HSD17B12: variants seen among roughly 807,000 people sequenced by gnomAD.
HSD17B12 encodes the protein very-long-chain 3-oxoacyl-CoA reductase.
A neutral mutation model predicts 39.3 loss-of-function variants in HSD17B12; 32 were observed. That is an observed-to-expected ratio of 0.81 (90% CI 0.61 to 1.09). The LOEUF (loss-of-function observed/expected upper bound fraction) is 1.09. Among genes scored for constraint, HSD17B12 ranks in the 50% least tolerant of loss-of-function variants. HSD17B12 has a pLI of 0.00. For synonymous variants in HSD17B12, 150 were observed against 146.7 expected, an observed-to-expected ratio of 1.02 and a Z score of -0.16; for missense variants, 342 against 382.9, an observed-to-expected ratio of 0.89 and a Z score of 0.89.
chr11:43,574,513 A>C, the HSD17B12 span, among the ~76,000 whole-genome samples: 1 of 152,066 alleles, frequency 6.6e-6, no homozygotes, highest in African/African-American at 2.4e-5. Context: ...TTTTGTTCAG[A>C]TCTTCCAATC....
At chr11:43,791,389 G>T (rs1303749891) in intron 3 of HSD17B12, among the ~76,000 whole-genome samples, 1 of 152,056 alleles carries the variant, frequency 6.6e-6, no homozygotes, top group Non-Finnish European at 1.5e-5. Context: ...AAACTTAGCT[G>T]GGTGTGGTGG....
Position 43,734,299 on chromosome 11 carries a change from G to A in HSD17B12, c.161-16612G>A, listed in dbSNP as rs1184731534. ...TCAGGAAGGAGTTCACAGAAGCCGTGGAAGCCAAAAAGGTGGCTCAGCAGG... is the reference window on the plus strand; with the variant it reads ...TCAGGAAGGAGTTCACAGAAGCCGTAGAAGCCAAAAAGGTGGCTCAGCAGG... On this transcript the variant is annotated intron_variant, in intron 1 of 10. Coordinates refer to ENST00000278353, the MANE Select transcript of HSD17B12 (RefSeq NM_016142.3). 4.2e-6 allele frequency: 5 copies of A among 1,181,686 alleles called. No homozygotes were observed. The Admixed American group carries it at 8.5e-5, about 20-fold the overall frequency. 73.2% of individuals were successfully genotyped at this position (1,181,686 alleles called of 1,614,324 possible).
At chr11:43,643,718 T>C in the HSD17B12 span, among the ~76,000 whole-genome samples, 3 of 152,366 alleles carry the variant, frequency 2.0e-5, no homozygotes, top group East Asian at 5.8e-4. Context: ...GAAATTTGTC[T>C]TATAAAATGG....
intron 3 of HSD17B12, among the ~76,000 whole-genome samples, chr11:43,788,293 A>G (rs764654897): frequency 4.6e-5 from 7 of 152,218 alleles, no homozygotes; most frequent in Non-Finnish European, 8.8e-5. Context: ...CTAAAAAATA[A>G]CAGAGAGACA....
the HSD17B12 span, among the ~76,000 whole-genome samples, chr11:43,580,332 C>T: frequency 1.5e-5 from 2 of 137,468 alleles, no homozygotes; most frequent in African/African-American, 5.5e-5. Context: ...ACGGGTTCGC[C>T]CCTTGTTGTT....
intron 9 of HSD17B12, chr11:43,852,404 C>T (rs1426067114): frequency 2.0e-5 from 3 of 151,450 alleles, no homozygotes; most frequent in Non-Finnish European, 2.9e-5. Flanking sequence ...CCATCTCTAC[C>T]TCTAGAAGCT....
chr11:43,636,366 A>G, the HSD17B12 span, among the ~76,000 whole-genome samples: 2 of 152,202 alleles, frequency 1.3e-5, no homozygotes, highest in Non-Finnish European at 2.9e-5. Flanking sequence ...AGGAAAGGAC[A>G]AGCGAATCCA....
chr11:43,768,613 T>C (rs1214843848), intron 3 of HSD17B12, among the ~76,000 whole-genome samples: 1 of 152,248 alleles, frequency 6.6e-6, no homozygotes, highest in Non-Finnish European at 1.5e-5. Flanking sequence ...GGTGGGTTCA[T>C]GGTCTTGCTG....
intron 1 of HSD17B12, among the ~76,000 whole-genome samples, chr11:43,719,628 ATAT>A (rs146515263): frequency 0.014 from 1,065 of 74,564 alleles, 12 homozygotes; most frequent in African/African-American, 0.029. Flanking sequence ...AAAAAAAAAA[ATAT>A]ATATATATAT....
At chr11:43,734,573 C>CA in intron 1 of HSD17B12, 1 of 493,540 alleles carries the variant, frequency 2.0e-6, no homozygotes, top group Non-Finnish European at 3.6e-6. Flanking sequence ...AGTGAGGGCC[C>CA]ACCCTGCCTG....
At chr11:43,642,563 C>T in the HSD17B12 span, among the ~76,000 whole-genome samples, 2 of 151,370 alleles carry the variant, frequency 1.3e-5, no homozygotes, top group African/African-American at 2.4e-5. Flanking sequence ...TGTTTTTGAG[C>T]CTTTCTTATG....
At chr11:43,652,322 T>C in the HSD17B12 span, among the ~76,000 whole-genome samples, 1 of 152,172 alleles carries the variant, frequency 6.6e-6, no homozygotes, top group Non-Finnish European at 1.5e-5. Flanking sequence ...AAAAAGGAAC[T>C]TTTTCCTCTG....
In HSD17B12 at chr11:43,830,996, T is replaced by C; in HGVS notation, c.522T>C (p.Pro174=). The C allele has an allele frequency of 6.2e-7, 1 of 1,607,698 alleles. No individual in the cohort carries two copies. The highest frequency in any genetic ancestry group is 8.5e-7 in the Non-Finnish European group (1 of 1,176,924). ...TGCAGATGACACAATTGGTACTGCC[T>C]GGCATGGTGGAAAGGTGAGTCACAA... ...SVCKMTQLVL[P]GMVERSKGAI... Residue 174 remains proline (P), a synonymous_variant, in exon 7 of 11, where the codon CCT becomes CCC. Transcript: ENST00000278353.
At chr11:43,676,103 A>G (rs1949691923), upstream of HSD17B12, among the ~76,000 whole-genome samples, 1 of 151,744 alleles carries the variant, frequency 6.6e-6, no homozygotes, top group African/African-American at 2.4e-5. Context: ...TAAGAGCGGG[A>G]AAAAAAAGAA....
chr11:43,684,084 T>C (rs1453877265), intron 1 of HSD17B12, among the ~76,000 whole-genome samples: 1 of 152,232 alleles, frequency 6.6e-6, no homozygotes, highest in East Asian at 1.9e-4. Context: ...TGGCCCACAC[T>C]CTAATTTATC....
chr11:43,591,745 A>G, the HSD17B12 span, among the ~76,000 whole-genome samples: 1 of 152,032 alleles, frequency 6.6e-6, no homozygotes, highest in South Asian at 2.1e-4. Flanking sequence ...TGTTTTCTGT[A>G]TAGTTAACTT....
chr11:43,716,260 C>G (rs1222690012), intron 1 of HSD17B12, among the ~76,000 whole-genome samples: 2 of 152,036 alleles, frequency 1.3e-5, no homozygotes, highest in African/African-American at 4.8e-5. Flanking sequence ...CTGATGAAAA[C>G]AAAACAAAAG....
chr11:43,572,098 A>G, the HSD17B12 span, among the ~76,000 whole-genome samples: 1 of 152,150 alleles, frequency 6.6e-6, no homozygotes, highest in Non-Finnish European at 1.5e-5. Flanking sequence ...TGGACCAGGG[A>G]GTTCCTAATT....
At chr11:43,581,480 G>T in the HSD17B12 span, 1 of 505,646 alleles carries the variant, frequency 2.0e-6, no homozygotes. The surrounding 1 kb of genome is among the most constrained non-coding windows in gnomAD (Gnocchi z 4.9). Context: ...ATTTGCGGAG[G>T]GCGCACTCGT....
Sources: allele counts gnomAD v4.1 joint callset (sites outside exome capture counted in the v4.1 genomes callset), GRCh38; gene constraint gnomAD v4.1.1; non-coding constraint Gnocchi (gnomAD v3.1); transcripts MANE v1.5; gene names NCBI Gene and HGNC (gene_info 2026-07-23, HGNC 2026-07-21).